MASP1: variants seen among roughly 807,000 people sequenced by gnomAD.
The protein encoded by MASP1 is MBL associated serine protease 1.
A neutral mutation model predicts 77.1 loss-of-function variants in MASP1; 59 were observed. That is an observed-to-expected ratio of 0.77 (90% CI 0.62 to 0.95). MASP1 has a LOEUF of 0.95. MASP1 is among the 40% of genes least tolerant of loss of function. The pLI, the probability that MASP1 is intolerant of heterozygous loss-of-function variation, is 0.00. For missense variants in MASP1, 885 were observed against 912.9 expected (o/e 0.97, Z 0.39); for synonymous variants, 362 against 354.5 (o/e 1.02, Z -0.24).
chr3:187,223,266 T>A (rs1325349596), intron 13 of MASP1: 1 of 1,154,786 alleles, frequency 8.7e-7, no homozygotes, highest in Non-Finnish European at 1.3e-6. Flanking sequence ...AGCTTGCAGC[T>A]CCATCATCCT....
chr3:187,250,752 A>T (rs1325701326), intron 7 of MASP1, among the ~76,000 whole-genome samples: 1 of 152,182 alleles, frequency 6.6e-6, no homozygotes, highest in African/African-American at 2.4e-5. Flanking sequence ...GTTCCCGGTG[A>T]TGCTGAAACT....
chr3:187,220,908 T>C, intron 15 of MASP1: 1 of 727,966 alleles, frequency 1.4e-6, no homozygotes, highest in African/African-American at 1.7e-5. Context: ...TCCCACGGCC[T>C]TCCTCCAGTC....
chr3:187,260,649 C>G, intron 4 of MASP1, 92 bp downstream of exon 4: 1 of 1,554,462 alleles, frequency 6.4e-7, no homozygotes, highest in South Asian at 1.1e-5. Flanking sequence ...TTACTTGTTC[C>G]TATTGCATAT....
chr3:187,289,719 C>T (rs911849920), intron 1 of MASP1, among the ~76,000 whole-genome samples: 1 of 152,228 alleles, frequency 6.6e-6, no homozygotes, highest in Non-Finnish European at 1.5e-5. Flanking sequence ...GAATAATACA[C>T]TTGGCTGAAA....
Position 187,236,091 on chromosome 3 carries a change from C to G in MASP1, c.1780G>C (p.Gly594Arg). Residue 594 changes from glycine to arginine, a missense_variant, in exon 11 of 11, where the codon GGC becomes CGC. Physicochemically the swap from Gly to Arg is moderately radical, Grantham distance 125. Coordinates refer to ENST00000296280, the MANE Select transcript of MASP1 (RefSeq NM_139125.4). ...ACTGTCACATTGGGATTGGAGATGC[C>G]CCAGCCGGCCACCAGGCCCAGCATG... The part of the protein sequence containing the change: ...PHMLGLVAGW[G>R]ISNPNVTVDE... The G allele has an allele frequency of 6.2e-7, 1 of 1,613,988 alleles. No homozygotes were observed.
chr3:187,220,962 T>A, intron 15 of MASP1: 1 of 1,303,538 alleles, frequency 7.7e-7, no homozygotes, highest in Non-Finnish European at 1.1e-6. Flanking sequence ...GGGAGGCCTC[T>A]GTGCTCCCTT....
exon 16 of MASP1, chr3:187,220,222 A>G: frequency 6.2e-7 from 1 of 1,614,194 alleles, no homozygotes; most frequent in Non-Finnish European, 8.5e-7. Context: ...CAGGGTCACC[A>G]TGGGGCCTCC....
chr3:187,286,433 G>A (rs1439972091), intron 1 of MASP1, among the ~76,000 whole-genome samples: 2 of 152,150 alleles, frequency 1.3e-5, no homozygotes, highest in Non-Finnish European at 2.9e-5. Context: ...AAAAGTAAAT[G>A]TTATCATACT....
chr3:187,276,106 C>CG (rs924593484), intron 2 of MASP1, among the ~76,000 whole-genome samples: 4 of 144,626 alleles, frequency 2.8e-5, no homozygotes, highest in African/African-American at 1.0e-4. Flanking sequence ...AAAGTGCCCC[C>CG]CAGGGTAGCC....
intron 1 of MASP1, among the ~76,000 whole-genome samples, chr3:187,288,878 G>A (rs982693801): frequency 2.6e-5 from 4 of 152,172 alleles, no homozygotes; most frequent in African/African-American, 9.7e-5. Context: ...GGCCCAGGAA[G>A]CTTTCCCTTC....
intron 14 of MASP1, among the ~76,000 whole-genome samples, chr3:187,221,525 C>T (rs1473294968): frequency 6.6e-6 from 1 of 152,204 alleles, no homozygotes; most frequent in Admixed American, 6.5e-5. Flanking sequence ...GAACATGTGG[C>T]TTACTCATTG....
At chr3:187,284,979 G>A (rs992500355) in intron 2 of MASP1, among the ~76,000 whole-genome samples, 4 of 152,266 alleles carry the variant, frequency 2.6e-5, no homozygotes, top group African/African-American at 9.6e-5. Flanking sequence ...ATATCTAAAT[G>A]CTCTAGAGTT....
At chr3:187,243,319 C>A in intron 9 of MASP1, 165 bp downstream of exon 9, 1 of 741,648 alleles carries the variant, frequency 1.3e-6, no homozygotes, top group East Asian at 2.6e-5. Context: ...AACACAAGCT[C>A]ATGAAAAGTG....
chr3:187,241,402 C>T (rs986386167), intron 10 of MASP1, 79 bp downstream of exon 10: 1 of 1,129,374 alleles, frequency 8.9e-7, no homozygotes, highest in Non-Finnish European at 1.4e-6. Context: ...CCCCATCACC[C>T]TGTTAACAGC....
chr3:187,243,762 A>T (rs1336457375), intron 8 of MASP1, 141 bp from the exon 9 acceptor site: 10 of 1,040,584 alleles, frequency 9.6e-6, no homozygotes, highest in Admixed American at 3.5e-5. Flanking sequence ...TCTGAAGGGC[A>T]CCCCTGGGGT....
rs1225354720 is a variant in MASP1, at chr3:187,280,233, C to T, written c.237+5592G>A. ...ATAAGAATTGGAACTAAGGAATTAG[C>T]AGTGGAGAGGATGGAAGAAATGTCG... On this transcript the variant is annotated intron_variant, in intron 2 of 10. Coordinates refer to ENST00000296280, the MANE Select transcript of MASP1 (RefSeq NM_139125.4). Among the ~76,000 whole-genome samples the T allele has an allele frequency of 1.4e-4, 22 of 152,130 alleles. 1 individual carries two copies. The highest frequency in any genetic ancestry group is 1.4e-3 in the Admixed American group (22 of 15,274).
intron 1 of MASP1, among the ~76,000 whole-genome samples, chr3:187,290,484 T>A (rs1467821097): frequency 2.0e-5 from 3 of 152,020 alleles, no homozygotes; most frequent in African/African-American, 7.2e-5. Flanking sequence ...CATAAATCAC[T>A]TTTTTTTGGA....
intron 11 of MASP1, among the ~76,000 whole-genome samples, chr3:187,227,141 G>C (rs967617169): frequency 2.0e-5 from 3 of 152,228 alleles, no homozygotes; most frequent in Non-Finnish European, 4.4e-5. Context: ...CATGGGGGTG[G>C]AGCCCAAGCA....
chr3:187,264,761 G>C (rs1400068771), intron 2 of MASP1, among the ~76,000 whole-genome samples: 3 of 151,996 alleles, frequency 2.0e-5, no homozygotes, highest in Non-Finnish European at 4.4e-5. Flanking sequence ...TTAATATGTT[G>C]TGAATTAGAA....
Sources: allele counts gnomAD v4.1 joint callset (sites outside exome capture counted in the v4.1 genomes callset), GRCh38; gene constraint gnomAD v4.1.1; transcripts MANE v1.5; gene names NCBI Gene and HGNC (gene_info 2026-07-23, HGNC 2026-07-21).